The following CEP128 variants were observed in gnomAD, a reference collection of about 807,000 sequenced individuals.
CEP128 encodes centrosomal protein 128kDa.
In CEP128, 132 loss-of-function variants were observed where a neutral mutation model predicts 156.7. That is an observed-to-expected ratio of 0.84 (90% CI 0.73 to 0.97). CEP128 has a LOEUF of 0.97. CEP128 is among the 50% of genes least tolerant of loss of function. The pLI, the probability that CEP128 is intolerant of heterozygous loss-of-function variation, is 0.00. For missense variants in CEP128, 1,252 were observed against 1,281.9 expected, an observed-to-expected ratio of 0.98 and a Z score of 0.36; for synonymous variants, 469 against 448.9, an observed-to-expected ratio of 1.04 and a Z score of -0.57.
intron 19 of CEP128, among the ~76,000 whole-genome samples, chr14:80,693,409 A>G (rs1566860760): frequency 6.6e-6 from 1 of 152,202 alleles, no homozygotes; most frequent in Non-Finnish European, 1.5e-5. Flanking sequence ...AAGTGATTGT[A>G]TTGTATTTGG....
intron 19 of CEP128, among the ~76,000 whole-genome samples, chr14:80,644,846 T>C (rs939019017): frequency 6.6e-6 from 1 of 152,166 alleles, no homozygotes; most frequent in African/African-American, 2.4e-5. Flanking sequence ...CATACACTGC[T>C]CATGTTATTT....
At chr14:80,675,554 T>C (rs1409393121) in intron 19 of CEP128, among the ~76,000 whole-genome samples, 2 of 152,106 alleles carry the variant, frequency 1.3e-5, no homozygotes, top group African/African-American at 2.4e-5. Context: ...ATTGGGTCTA[T>C]GGGTCTTCTA....
At chr14:80,706,280 C>G (rs922112595) in intron 19 of CEP128, among the ~76,000 whole-genome samples, 1 of 152,088 alleles carries the variant, frequency 6.6e-6, no homozygotes, top group Non-Finnish European at 1.5e-5. Context: ...AGAATGAAAT[C>G]TTACAAAGAG....
intron 2 of CEP128, among the ~76,000 whole-genome samples, chr14:80,950,437 A>G (rs1886438652): frequency 6.6e-6 from 1 of 152,158 alleles, no homozygotes; most frequent in Non-Finnish European, 1.5e-5. Flanking sequence ...GACATGGAAA[A>G]TATGAAAAAA....
At chr14:80,938,386 A>G (rs532028005) in intron 2 of CEP128, among the ~76,000 whole-genome samples, 11 of 151,804 alleles carry the variant, frequency 7.2e-5, no homozygotes, top group African/African-American at 2.7e-4. Context: ...AGCTGGGACT[A>G]CAGGCGCCTG....
chr14:80,490,891 A>C (rs923436521), intron 6 of CEP128, among the ~76,000 whole-genome samples: 1 of 120,942 alleles, frequency 8.3e-6, no homozygotes, highest in African/African-American at 2.6e-5. Context: ...CATTGATCAC[A>C]ATCATCTGGA....
At chr14:80,911,220 C>T (rs1188817438) in intron 4 of CEP128, among the ~76,000 whole-genome samples, 1 of 152,162 alleles carries the variant, frequency 6.6e-6, no homozygotes, top group Non-Finnish European at 1.5e-5. Flanking sequence ...TAATTCAGGC[C>T]GGGTATGGTA....
intron 8 of CEP128, among the ~76,000 whole-genome samples, chr14:80,868,211 A>G (rs956925120): frequency 6.6e-6 from 1 of 152,186 alleles, no homozygotes; most frequent in African/African-American, 2.4e-5. Flanking sequence ...TTCACTGTAA[A>G]AGTATGAATA....
At chr14:80,775,747 A>C (rs1006429717) in intron 16 of CEP128, among the ~76,000 whole-genome samples, 1 of 152,392 alleles carries the variant, frequency 6.6e-6, no homozygotes, top group East Asian at 1.9e-4. Flanking sequence ...TTCTGTTCTA[A>C]AGTGAATGCT....
chr14:80,823,999 T>A (rs1885336976), intron 13 of CEP128, among the ~76,000 whole-genome samples: 1 of 152,208 alleles, frequency 6.6e-6, no homozygotes, highest in South Asian at 2.1e-4. Flanking sequence ...TTTGCATACA[T>A]CCTCTGAAAT....
At chr14:80,520,972 G>A (rs190892227) in intron 23 of CEP128, among the ~76,000 whole-genome samples, 4 of 145,940 alleles carry the variant, frequency 2.7e-5, no homozygotes, top group Admixed American at 6.9e-5. Context: ...ACAGGCACCC[G>A]CCACCACGCC....
chr14:80,493,419 G>A (rs1398856112), downstream of CEP128, among the ~76,000 whole-genome samples: 1 of 152,158 alleles, frequency 6.6e-6, no homozygotes, highest in African/African-American at 2.4e-5. Flanking sequence ...ATGATATATT[G>A]TTTCAAACAT....
intron 19 of CEP128, among the ~76,000 whole-genome samples, chr14:80,735,268 T>G (rs527608831): frequency 6.6e-6 from 1 of 152,326 alleles, no homozygotes; most frequent in South Asian, 2.1e-4. Flanking sequence ...CAATAAGGAC[T>G]GTCTCCATTT....
intron 23 of CEP128, among the ~76,000 whole-genome samples, chr14:80,512,959 G>T (rs141286669): frequency 6.2e-4 from 94 of 151,892 alleles, no homozygotes; most frequent in African/African-American, 2.1e-3. Context: ...TTTTATTTTT[G>T]ATTGGCTTAT....
intron 9 of CEP128, among the ~76,000 whole-genome samples, chr14:80,843,836 AT>A (rs1886462809): frequency 6.6e-6 from 1 of 151,986 alleles, no homozygotes; most frequent in Non-Finnish European, 1.5e-5. Flanking sequence ...TTTAATTAAA[AT>A]TTTTTTAAGA....
chr14:80,943,836 A>ATTT (rs1886261044), upstream of CEP128, among the ~76,000 whole-genome samples: 1 of 152,118 alleles, frequency 6.6e-6, no homozygotes, highest in African/African-American at 2.4e-5. Context: ...TCTACTAAAA[A>ATTT]TACAAAAATT....
intron 9 of CEP128, among the ~76,000 whole-genome samples, chr14:80,858,527 A>G (rs1340850309): frequency 7.4e-5 from 9 of 121,900 alleles, no homozygotes; most frequent in Admixed American, 6.9e-4. Context: ...AATGGCAACA[A>G]AAGACAAAAT....
At chr14:80,624,610 A>T (rs56256007) in intron 19 of CEP128, among the ~76,000 whole-genome samples, 26,975 of 152,062 alleles carry the variant, frequency 0.18, 2,780 homozygotes, top group East Asian at 0.31. Flanking sequence ...CCTTTTGATG[A>T]TAAATATTCT....
chr14:80,564,108 G>GA (rs1890811149), intron 20 of CEP128, among the ~76,000 whole-genome samples: 1 of 152,126 alleles, frequency 6.6e-6, no homozygotes, highest in South Asian at 2.1e-4. Context: ...AGTTTTCTGG[G>GA]AAAAAGCCTG....
Sources: gnomAD v4.1 joint callset for allele counts (sites outside exome capture counted in the v4.1 genomes callset) on GRCh38, gnomAD v4.1.1 for gene constraint, MANE v1.5 for transcripts, NCBI Gene and HGNC (gene_info 2026-07-23, HGNC 2026-07-21) for gene names.